Variants in FGF10 observed in about 807,000 individuals in gnomAD.
FGF10 encodes fibroblast growth factor 10, also known as FGF-10.
A neutral mutation model predicts 19.8 loss-of-function variants in FGF10; 2 were observed. The observed-to-expected ratio is 0.10, with a 90% CI of 0.04 to 0.32. FGF10 has a LOEUF of 0.32. Ranked by LOEUF, FGF10 falls within the 10% of genes least tolerant of loss-of-function variation. The probability of loss-of-function intolerance (pLI) is 1.00; values close to 1 mark genes in which losing one functional copy is unlikely to be tolerated. For synonymous variants in FGF10, 112 were observed against 94.0 expected (o/e 1.19, Z -1.10); for missense variants, 191 against 246.3 (o/e 0.78, Z 1.50).
In FGF10 at chr5:44,300,952, G is replaced by A. The variant is rs910343203; in HGVS notation, c.*4043C>T. Among the ~76,000 whole-genome samples the A allele has an allele frequency of 6.6e-6, 1 of 151,858 alleles. No individual in the cohort carries two copies. Among genetic ancestry groups the A allele is most frequent in the African/African-American group, 2.4e-5 (1 of 41,344 alleles). On this transcript the variant is annotated 3_prime_UTR_variant, in exon 3 of 3. Transcript: ENST00000264664. ...GTTTGGGGTTTTGGGTTTTGGAGTA[G>A]GAAAGAAGTAGACTAGAAGCAATCT...
intron 1 of FGF10, among the ~76,000 whole-genome samples, chr5:44,323,348 G>A (rs1298554952): frequency 6.6e-6 from 1 of 152,020 alleles, no homozygotes; most frequent in African/African-American, 2.4e-5. Flanking sequence ...TAGTTTAAAG[G>A]GTTTTCCTGG....
intron 1 of FGF10, among the ~76,000 whole-genome samples, chr5:44,331,164 A>C (rs930172344): frequency 6.6e-6 from 1 of 152,140 alleles, no homozygotes; most frequent in Non-Finnish European, 1.5e-5. Flanking sequence ...AATTTCTGAC[A>C]AGCCTCTTCC....
rs935912299 is a variant in FGF10 at position 44,365,960 on chromosome 5, G to C, written c.325+22398C>G. On this transcript the variant is annotated intron_variant, in intron 1 of 2. Coordinates refer to ENST00000264664, the MANE Select transcript of FGF10 (RefSeq NM_004465.2). ...GACCACAGTTGGAAAATTTCTGGGC[G>C]CATAAAATTAAGATAAATTATTTCC... 9.2e-5 allele frequency among the ~76,000 whole-genome samples: 14 copies of C among 151,584 alleles called. 1 individual carries two copies. Among genetic ancestry groups the C allele is most frequent in the Admixed American group, 2.6e-4 (4 of 15,178 alleles).
chr5:44,319,137 G>A (rs1409581254), intron 1 of FGF10, among the ~76,000 whole-genome samples: 3 of 152,090 alleles, frequency 2.0e-5, no homozygotes, highest in Admixed American at 2.0e-4. Flanking sequence ...TGGCAGCCAG[G>A]CAAAGATTTT....
At chr5:44,323,997 C>G (rs1740555869) in intron 1 of FGF10, among the ~76,000 whole-genome samples, 1 of 151,364 alleles carries the variant, frequency 6.6e-6, no homozygotes, top group South Asian at 2.1e-4. Context: ...TAATGTATAT[C>G]CCTATCTATC....
chr5:44,316,690 C>A (rs1740359505), intron 1 of FGF10, among the ~76,000 whole-genome samples: 1 of 152,070 alleles, frequency 6.6e-6, no homozygotes, highest in African/African-American at 2.4e-5. Context: ...AGCTTAACAA[C>A]AAGAAAAATT....
intron 1 of FGF10, among the ~76,000 whole-genome samples, chr5:44,325,225 T>G (rs1431426330): frequency 6.6e-6 from 1 of 152,022 alleles, no homozygotes; most frequent in Non-Finnish European, 1.5e-5. Context: ...CATTAAAAAG[T>G]CAGGAAACAA....
chr5:44,368,182 G>C (rs1009054944), intron 1 of FGF10, among the ~76,000 whole-genome samples: 2 of 151,988 alleles, frequency 1.3e-5, no homozygotes, highest in African/African-American at 4.8e-5. Flanking sequence ...AGGGTAGGAT[G>C]GTCTAGGACT....
rs564633913 is a variant in FGF10 at position 44,368,789 on chromosome 5, T to A, written c.325+19569A>T. Among the ~76,000 whole-genome samples the A allele has an allele frequency of 1.2e-3, 176 of 152,084 alleles. 1 individual carries two copies. The highest frequency in any genetic ancestry group is 4.2e-3 in the African/African-American group (173 of 41,528). ...AAAGGGATCCTCCCGCCTCAGACTCTCGAGTAGCTAGGACTACCAGCAAGC... is the reference window on the plus strand; with the variant it reads ...AAAGGGATCCTCCCGCCTCAGACTCACGAGTAGCTAGGACTACCAGCAAGC... On this transcript the variant is annotated intron_variant, in intron 1 of 2. Coordinates refer to ENST00000264664, the MANE Select transcript of FGF10 (RefSeq NM_004465.2).
chr5:44,330,056 T>A (rs190059089), intron 1 of FGF10, among the ~76,000 whole-genome samples: 1 of 152,348 alleles, frequency 6.6e-6, no homozygotes, highest in East Asian at 1.9e-4. Flanking sequence ...TTAAATATTT[T>A]GGATGTATTT....
chr5:44,359,735 T>G (rs964528646), intron 1 of FGF10, among the ~76,000 whole-genome samples: 22 of 151,492 alleles, frequency 1.5e-4, no homozygotes, highest in Admixed American at 7.3e-4. Flanking sequence ...GGGATACAAG[T>G]GGAATTTTGT....
At chr5:44,380,161 G>A (rs566237249) in intron 1 of FGF10, among the ~76,000 whole-genome samples, 1 of 152,076 alleles carries the variant, frequency 6.6e-6, no homozygotes, top group Non-Finnish European at 1.5e-5. Context: ...ATGTAAATCA[G>A]TGTCCATATG....
At chr5:44,344,855 A>G (rs1414864955) in intron 1 of FGF10, among the ~76,000 whole-genome samples, 1 of 150,636 alleles carries the variant, frequency 6.6e-6, no homozygotes, top group African/African-American at 2.5e-5. Context: ...TCGAATTTGG[A>G]TAATAGCACT....
In FGF10 at chr5:44,326,622, T is replaced by G. The variant is rs980391063; in HGVS notation, c.326-16092A>C. Among the ~76,000 whole-genome samples the G allele has an allele frequency of 8.6e-5, 13 of 151,816 alleles. No individual in the cohort carries two copies. The East Asian group carries it at 2.5e-3, about 30-fold the overall frequency. ...AGAGGTCTCACTATGTTGCCTAAGC[T>G]GTTCTCAATCTCCCAGGATCAAGCA... On this transcript the variant is annotated intron_variant, in intron 1 of 2. Transcript: ENST00000264664.
intron 1 of FGF10, among the ~76,000 whole-genome samples, chr5:44,383,868 CTT>C (rs1179633247): frequency 2.6e-5 from 4 of 152,040 alleles, no homozygotes; most frequent in Non-Finnish European, 5.9e-5. Flanking sequence ...ACAGAAAACT[CTT>C]GTGTCGTTAT....
chr5:44,332,673 A>G (rs1232390723), intron 1 of FGF10, among the ~76,000 whole-genome samples: 1 of 152,172 alleles, frequency 6.6e-6, no homozygotes, highest in African/African-American at 2.4e-5. Flanking sequence ...CTTCTGCATT[A>G]CAAACTCCCA....
chr5:44,354,298 T>C (rs1741297307), intron 1 of FGF10, among the ~76,000 whole-genome samples: 9 of 151,484 alleles, frequency 5.9e-5, no homozygotes, highest in Admixed American at 4.6e-4. Flanking sequence ...GCCTTAATAT[T>C]ATAATTAATG....
intron 1 of FGF10, among the ~76,000 whole-genome samples, chr5:44,337,257 C>T (rs1480342578): frequency 2.0e-5 from 2 of 101,678 alleles, no homozygotes; most frequent in Non-Finnish European, 5.4e-5. Context: ...CTATTGAATC[C>T]TAGATAAAAC....
At chr5:44,308,481 T>G (rs1301608071) in intron 2 of FGF10, among the ~76,000 whole-genome samples, 2 of 152,160 alleles carry the variant, frequency 1.3e-5, no homozygotes, top group Non-Finnish European at 1.5e-5. Flanking sequence ...TCAAAGAATA[T>G]GTACCTGGTT....
Sources: allele counts gnomAD v4.1 joint callset (sites outside exome capture counted in the v4.1 genomes callset), GRCh38; gene constraint gnomAD v4.1.1; transcripts MANE v1.5; gene names NCBI Gene and HGNC (gene_info 2026-07-23, HGNC 2026-07-21).